Variants in MAP4K2 observed in about 807,000 individuals in gnomAD.
MAP4K2 encodes mitogen-activated protein kinase kinase kinase kinase 2.
Under a neutral mutation model 125.3 loss-of-function variants are expected in MAP4K2, and 85 were observed. That is an observed-to-expected ratio of 0.68 (90% CI 0.57 to 0.81). The LOEUF (loss-of-function observed/expected upper bound fraction) is 0.81. Among genes scored for constraint, MAP4K2 ranks in the 40% least tolerant of loss-of-function variants. The probability of loss-of-function intolerance (pLI) is 0.00; values close to 1 mark genes in which losing one functional copy is unlikely to be tolerated. For synonymous variants in MAP4K2, 479 were observed against 445.1 expected (o/e 1.08, Z -0.96); for missense variants, 923 against 1,056.4 (o/e 0.87, Z 1.75).
At chr11:64,801,664 G>A (rs761412836) in intron 6 of MAP4K2, 43 bp from the exon 7 acceptor site, 44 of 1,613,746 alleles carry the variant, frequency 2.7e-5, no homozygotes, top group Admixed American at 6.7e-5. Context: ...GTGCCCCCGA[G>A]GGCCTCCTCC....
In MAP4K2 at chr11:64,789,491, T is replaced by C; in HGVS notation, c.*46A>G. ...CCCTTTGCCCAAAAGGGCCTGCAGC[T>C]AAGGCGTGGGGTGGGGCGGGGAGCC... On this transcript the variant is annotated 3_prime_UTR_variant, in exon 32 of 32. Transcript: ENST00000294066. The C allele has an allele frequency of 2.0e-6, 3 of 1,531,896 alleles. No homozygotes were observed. The highest frequency in any genetic ancestry group is 1.4e-5 in the African/African-American group (1 of 72,886). The allele number at this position is 1,531,896 out of a possible 1,614,324, so 94.9% of individuals were successfully genotyped here.
At position 64,787,494 on chromosome 11, in the gene MAP4K2, A is replaced by G. The variant is rs1271958503; in HGVS notation, c.*2043T>C. ...GACCAGGGTGGCTGGGGACGGGGTA[A>G]GAGGGAGACTTCATTATATCTCTGC... On this transcript the variant is annotated 3_prime_UTR_variant, in exon 32 of 32. Transcript: ENST00000294066. 1 of 152,192 alleles carries G rather than the reference A, an allele frequency of 6.6e-6. No homozygotes were observed. The highest frequency in any genetic ancestry group is 2.4e-5 in the African/African-American group (1 of 41,442). 9.4% of individuals were successfully genotyped at this position (152,192 alleles called of 1,614,324 possible). A position where few individuals can be genotyped will look rare whatever the true frequency, so the allele number is the denominator to read the frequency against.
At chr11:64,792,480 G>A in intron 24 of MAP4K2, 58 bp from the exon 25 acceptor site, 1 of 1,448,174 alleles carries the variant, frequency 6.9e-7, no homozygotes. Context: ...CAAGGCCCCT[G>A]CAGAGCCCTA....
Position 64,796,710 on chromosome 11 carries a change from T to C in MAP4K2, c.1496A>G (p.Gln499Arg), listed in dbSNP as rs779885464. The C allele has an allele frequency of 4.3e-6, 7 of 1,613,928 alleles. No homozygotes were observed. Among genetic ancestry groups the C allele is most frequent in the Non-Finnish European group, 5.9e-6 (7 of 1,180,032 alleles). ...VTWIHPVTRD[Q>R]FLVVGAEEGI... ...TTCCTCGGCCCCTACCACCAGGAACTGGTCTGCCAGTTTGGGCATGGGGTC... is the reference window on the plus strand; with the variant it reads ...TTCCTCGGCCCCTACCACCAGGAACCGGTCTGCCAGTTTGGGCATGGGGTC... The change falls in exon 22 of 32, where the codon CAG becomes CGG. Residue 499 changes from glutamine to arginine, a missense_variant. Around this residue, in one of 2 missense-constraint regions of MAP4K2, gnomAD observed 833 missense variants for 911.4 expected, o/e 0.91. Coordinates refer to ENST00000294066, the MANE Select transcript of MAP4K2 (RefSeq NM_004579.5).
rs1460446637 is a variant in MAP4K2 at position 64,799,587 on chromosome 11, C to G, written c.994+18G>C. The G allele has an allele frequency of 6.2e-7, 1 of 1,613,822 alleles. No individual in the cohort carries two copies. The highest frequency in any genetic ancestry group is 8.5e-7 in the Non-Finnish European group (1 of 1,179,844). The stretch of plus-strand genomic sequence containing the variant: ...CCCCCCAAAATCTGCACACACACAG[C>G]CCCTGCTGCAGACTCACACTGGATC... On this transcript the variant is annotated intron_variant, in intron 13 of 31. Coordinates refer to ENST00000294066, the MANE Select transcript of MAP4K2 (RefSeq NM_004579.5).
chr11:64,801,491 T>G, intron 7 of MAP4K2, 88 bp downstream of exon 7: 1 of 1,462,864 alleles, frequency 6.8e-7, no homozygotes, highest in Non-Finnish European at 9.5e-7. Flanking sequence ...GCAAAGTGAC[T>G]TGCCCAGTGA....
At chr11:64,798,020 G>C (rs2959659) in intron 15 of MAP4K2, among the ~76,000 whole-genome samples, 2 of 132,826 alleles carry the variant, frequency 1.5e-5, no homozygotes, top group African/African-American at 5.7e-5. Context: ...TTTTTTTTAA[G>C]ACAGAGTTTC....
chr11:64,793,381 G>C lies in MAP4K2; in HGVS notation c.1752-959C>G, dbSNP rs568122497. 4.6e-5 allele frequency among the ~76,000 whole-genome samples: 7 copies of C among 152,320 alleles called. No individual in the cohort carries two copies. In the East Asian group the frequency reaches 1.2e-3, roughly 25 times the overall value. On this transcript the variant is annotated intron_variant, in intron 24 of 31. Coordinates refer to ENST00000294066, the MANE Select transcript of MAP4K2 (RefSeq NM_004579.5). ...ATGAACTTCAAAAGGCAAATGGCCT[G>C]CCCTCTGCTTCTCCAGCAGAGGCAA...
Position 64,790,182 on chromosome 11 carries a change from A to G in MAP4K2, c.2248+6T>C, listed in dbSNP as rs776635800. On this transcript the variant is annotated splice_donor_region_variant and intron_variant, in intron 29 of 31. Transcript: ENST00000294066. ...AAGGCCTGCACCCCACCTCTGGCTC[A>G]CTCACCCACAGTCTCGATGGGGAAA... 9.3e-6 allele frequency: 15 copies of G among 1,613,666 alleles called. No homozygotes were observed. The East Asian group carries it at 3.3e-4, about 36-fold the overall frequency.
rs200744604 is a variant in MAP4K2, at chr11:64,798,727, G to T, written c.1097+67C>A. 43 of 1,569,886 alleles carry T rather than the reference G, an allele frequency of 2.7e-5. No individual in the cohort carries two copies. The Admixed American group carries it at 2.8e-4, about 10-fold the overall frequency. On this transcript the variant is annotated intron_variant, in intron 15 of 31. Coordinates refer to ENST00000294066, the MANE Select transcript of MAP4K2 (RefSeq NM_004579.5). ...TGGGATTACAGGCATGAGCCACCAC[G>T]CCCGGTCAGAGGTCAGCCTTTCTGC...
At position 64,802,896 on chromosome 11, in the gene MAP4K2, T is replaced by C. The variant is rs529020565; in HGVS notation, c.143A>G (p.Lys48Arg). ...TSELAAVKIV[K>R]LDPGDDISSL... ...ACCCGGGCCCTCACCTGGGTCTAGC[T>C]TGACTATCTTCACGGCGGCCAGTTC... Residue 48 changes from lysine to arginine, a missense_variant, in exon 2 of 32, where the codon AAG becomes AGG. Lys to Arg is a conservative substitution (Grantham distance 26). Coordinates refer to ENST00000294066, the MANE Select transcript of MAP4K2 (RefSeq NM_004579.5). 1.2e-6 allele frequency: 2 copies of C among 1,601,648 alleles called. No individual in the cohort carries two copies. The highest frequency in any genetic ancestry group is 2.3e-5 in the East Asian group (1 of 44,436).
intron 17 of MAP4K2, 36 bp from the exon 18 acceptor site, chr11:64,797,416 C>G: frequency 6.4e-7 from 1 of 1,559,530 alleles, no homozygotes. Flanking sequence ...CGGCCGTTAC[C>G]AGGTTGCCCT....
intron 14 of MAP4K2, 80 bp downstream of exon 14, chr11:64,799,341 G>T: frequency 1.3e-6 from 2 of 1,545,242 alleles, no homozygotes; most frequent in South Asian, 2.3e-5. Context: ...AATCTCCCTT[G>T]ATTTGAGCTG....
intron 14 of MAP4K2, 47 bp downstream of exon 14, chr11:64,799,374 T>G (rs755197639): frequency 6.2e-7 from 1 of 1,604,460 alleles, no homozygotes; most frequent in African/African-American, 1.3e-5. Flanking sequence ...CCGACCTCCC[T>G]GCCCCACCTC....
At chr11:64,790,040 G>A (rs1265665070) in intron 29 of MAP4K2, 81 bp from the exon 30 acceptor site, 1 of 1,567,438 alleles carries the variant, frequency 6.4e-7, no homozygotes, top group African/African-American at 1.4e-5. Context: ...CTGGGCCACA[G>A]GGGTCCTCAC....
Position 64,797,090 on chromosome 11 carries a change from T to TA in MAP4K2, c.1365+13dup. The TA allele has an allele frequency of 6.2e-7, 1 of 1,614,122 alleles. No homozygotes were observed. Among genetic ancestry groups the TA allele is most frequent in the Non-Finnish European group, 8.5e-7 (1 of 1,180,008 alleles). On this transcript the variant is annotated intron_variant, in intron 19 of 31. Transcript: ENST00000294066. ...AGCCGCCCGTCTCCCCACCCCACTGTAGCACCCTCTTACCTCAGGATCCTC... is the reference window on the plus strand; with the variant it reads ...AGCCGCCCGTCTCCCCACCCCACTGTAAGCACCCTCTTACCTCAGGATCCTC...
Position 64,797,630 on chromosome 11 carries a change from C to G in MAP4K2, c.1132G>C (p.Glu378Gln). ...LLQSVQEALE[E>Q]RSLTIRSASE... ...CCCCAGGCCCACATCCCTCACCTTT[C>G]CTCCAGGGCCTCCTGGACCGACTGC... is the stretch of plus-strand genomic sequence containing the variant. The change falls in exon 16 of 32, where the codon GAA becomes CAA. Residue 378 changes from glutamate to glutamine, a missense_variant. Glu to Gln is a conservative substitution (Grantham distance 29, BLOSUM62 2). Coordinates refer to ENST00000294066, the MANE Select transcript of MAP4K2 (RefSeq NM_004579.5). 6.3e-7 allele frequency: 1 copy of G among 1,582,394 alleles called. No individual in the cohort carries two copies. The highest frequency in any genetic ancestry group is 2.3e-5 in the East Asian group (1 of 43,430).
intron 12 of MAP4K2, 57 bp from the exon 13 acceptor site, chr11:64,799,740 G>T: frequency 1.4e-6 from 2 of 1,418,966 alleles, no homozygotes; most frequent in Non-Finnish European, 2.0e-6. Context: ...TGCCGGGGCT[G>T]CTCTAGGAGC....
In MAP4K2 at chr11:64,789,726, CTACCTG is replaced by C; in HGVS notation, c.2373_2375+3del. ...GAAGGGGAGGCTAGGGTACCACCGC[CTACCTG>C]TGGGCCCCAAGCACTCGGAAGATCC... On this transcript the variant is annotated splice_donor_variant and splice_donor_region_variant and coding_sequence_variant and intron_variant, in exon 31 of 32. Transcript: ENST00000294066. LOFTEE classifies it high-confidence loss of function. The C allele has an allele frequency of 6.2e-7, 1 of 1,614,114 alleles. No individual in the cohort carries two copies. Among genetic ancestry groups the C allele is most frequent in the Non-Finnish European group, 8.5e-7 (1 of 1,179,982 alleles).
Sources: gnomAD v4.1 joint callset for allele counts (sites outside exome capture counted in the v4.1 genomes callset) on GRCh38, gnomAD v4.1.1 for gene constraint, gnomAD v4.1.1 regional missense constraint, MANE v1.5 for transcripts, NCBI Gene and HGNC (gene_info 2026-07-23, HGNC 2026-07-21) for gene names.